Variants in GRK7 observed in about 807,000 individuals in gnomAD.
The protein encoded by GRK7 is G protein-coupled receptor kinase 7.
A neutral mutation model predicts 34.1 loss-of-function variants in GRK7; 24 were observed. The ratio of observed to expected loss-of-function variants is 0.70; its 90% CI spans 0.51 to 0.99. The LOEUF (loss-of-function observed/expected upper bound fraction) is 0.99. Among genes scored for constraint, GRK7 ranks in the 50% least tolerant of loss-of-function variants. GRK7 has a pLI of 0.00. For synonymous variants in GRK7, 256 were observed against 279.4 expected, an observed-to-expected ratio of 0.92 and a Z score of 0.84; for missense variants, 644 against 707.3, an observed-to-expected ratio of 0.91 and a Z score of 1.02.
chr3:141,755,174 T>A, the GRK7 span, among the ~76,000 whole-genome samples: 69 of 152,350 alleles, frequency 4.5e-4, no homozygotes, highest in African/African-American at 1.6e-3. Flanking sequence ...TCTATACTTG[T>A]CCTGACAAAT....
Position 141,817,195 on chromosome 3 carries a change from C to T in GRK7, c.*145C>T, listed in dbSNP as rs775682531. ...ACAATTCAAAAGACAGGCAAGCTCA[C>T]TACTAGAACACATTTTATTTTCTTT... On this transcript the variant is annotated 3_prime_UTR_variant, in exon 6 of 6. Coordinates refer to ENST00000682958, the MANE Select transcript of GRK7 (RefSeq NM_139209.3). The T allele has an allele frequency of 1.1e-5, 6 of 565,574 alleles. No individual in the cohort carries two copies. Among genetic ancestry groups the T allele is most frequent in the Non-Finnish European group, 1.8e-5 (6 of 328,706 alleles). 35.0% of individuals were successfully genotyped at this position (565,574 alleles called of 1,614,324 possible).
chr3:141,774,779 G>GATTATTATT (rs72103272), intron 2 of GRK7, among the ~76,000 whole-genome samples, 99 bp downstream of exon 2: 40 of 147,856 alleles, frequency 2.7e-4, no homozygotes, highest in South Asian at 2.1e-4. Flanking sequence ...TCACCAGTCA[G>GATTATTATT]ATTATTATTA....
chr3:141,807,020 C>T (rs910737757), intron 4 of GRK7, among the ~76,000 whole-genome samples: 1 of 151,704 alleles, frequency 6.6e-6, no homozygotes, highest in Non-Finnish European at 1.5e-5. Context: ...TAGAAGTGTG[C>T]CTATAATACA....
intron 1 of GRK7, among the ~76,000 whole-genome samples, chr3:141,772,753 C>T (rs977765185): frequency 2.6e-5 from 4 of 151,982 alleles, no homozygotes; most frequent in Non-Finnish European, 5.9e-5. Context: ...CAAAATGGGT[C>T]CTAAAAATAC....
intron 4 of GRK7, among the ~76,000 whole-genome samples, chr3:141,787,469 C>CA (rs1318730513): frequency 6.6e-6 from 1 of 151,762 alleles, no homozygotes; most frequent in Non-Finnish European, 1.5e-5. Flanking sequence ...ACTAAAAATA[C>CA]AAAAATTAGC....
intron 4 of GRK7, among the ~76,000 whole-genome samples, chr3:141,798,469 C>A (rs538483937): frequency 1.9e-4 from 29 of 152,112 alleles, no homozygotes; most frequent in African/African-American, 4.6e-4. Flanking sequence ...ACACACACAC[C>A]CACACACCCC....
Position 141,778,891 on chromosome 3 carries a change from G to C in GRK7, c.607G>C (p.Gly203Arg). ...CAGAGTGCTGGGGAAAGGTGGTTTT[G>C]GGGAGGTAAGTGTCTCCCAGTAGCC... ...EFRVLGKGGF[G>R]EVCAVQVKNT... Residue 203 changes from glycine (G) to arginine (R), a missense_variant, in exon 3 of 6, where the codon GGG becomes CGG. Physicochemically the swap from Gly to Arg is moderately radical, Grantham distance 125. Coordinates refer to ENST00000682958, the MANE Select transcript of GRK7 (RefSeq NM_139209.3). The surrounding 1 kb of genome is among the most constrained non-coding windows in gnomAD (Gnocchi z 4.1). The C allele has an allele frequency of 6.2e-7, 1 of 1,607,744 alleles. No homozygotes were observed. Among genetic ancestry groups the C allele is most frequent in the Non-Finnish European group, 8.5e-7 (1 of 1,177,220 alleles).
Position 141,817,995 on chromosome 3 carries a change from C to A in GRK7, c.*945C>A, listed in dbSNP as rs948763086. 2 of 152,208 alleles carry A rather than the reference C, an allele frequency of 1.3e-5. No homozygotes were observed. The highest frequency in any genetic ancestry group is 4.8e-5 in the African/African-American group (2 of 41,456). 9.4% of individuals were successfully genotyped at this position (152,208 alleles called of 1,614,324 possible). ...TATTTTGGTTGCTCAAAACTTCAATCATACATTTTGATGGCAACTTTTCAA... is the reference window on the plus strand; with the variant it reads ...TATTTTGGTTGCTCAAAACTTCAATAATACATTTTGATGGCAACTTTTCAA... On this transcript the variant is annotated 3_prime_UTR_variant, in exon 6 of 6. Coordinates refer to ENST00000682958, the MANE Select transcript of GRK7 (RefSeq NM_139209.3).
intron 5 of GRK7, among the ~76,000 whole-genome samples, chr3:141,813,252 A>T (rs1711112200): frequency 6.6e-6 from 1 of 152,026 alleles, no homozygotes; most frequent in Non-Finnish European, 1.5e-5. Flanking sequence ...CAGCCTCCCA[A>T]GTAACTGGGA....
intron 4 of GRK7, among the ~76,000 whole-genome samples, chr3:141,805,191 C>A (rs547413801): frequency 6.6e-6 from 1 of 152,150 alleles, no homozygotes; most frequent in Admixed American, 6.6e-5. Context: ...ATTGAATCAA[C>A]CTTCTGACCT....
chr3:141,781,752 T>G (rs2681696), intron 4 of GRK7, among the ~76,000 whole-genome samples: 123,277 of 152,048 alleles, frequency 0.81, 50,695 homozygotes, highest in African/African-American at 0.96. Flanking sequence ...TAATCAGTTT[T>G]GTTCAAAGTG....
At position 141,764,801 on chromosome 3, in the gene GRK7, C is replaced by A. The variant is rs2084572400; in HGVS notation, c.-1152C>A. ...ACAGGTACAAGACTGAGCTCTTGAT[C>A]TTCCCCACACCCTGCTCCTCCAGAG... On this transcript the variant is annotated 5_prime_UTR_variant, in exon 1 of 6. Coordinates refer to ENST00000682958, the MANE Select transcript of GRK7 (RefSeq NM_139209.3). Among the ~76,000 whole-genome samples, 1 of 152,178 alleles carries A rather than the reference C, an allele frequency of 6.6e-6. No individual in the cohort carries two copies. Among genetic ancestry groups the A allele is most frequent in the Admixed American group, 6.5e-5 (1 of 15,284 alleles).
chr3:141,801,457 A>G (rs1216726751), intron 4 of GRK7, among the ~76,000 whole-genome samples: 1 of 152,138 alleles, frequency 6.6e-6, no homozygotes, highest in Non-Finnish European at 1.5e-5. Flanking sequence ...GTGGGGAAAA[A>G]AGACAGAGGA....
chr3:141,808,657 G>A (rs2107894420), intron 5 of GRK7, among the ~76,000 whole-genome samples: 1 of 152,196 alleles, frequency 6.6e-6, no homozygotes, highest in African/African-American at 2.4e-5. Context: ...AGGTTGCAGT[G>A]AGCCAAGATC....
chr3:141,796,590 A>C (rs1439490184), intron 4 of GRK7, among the ~76,000 whole-genome samples: 6 of 152,196 alleles, frequency 3.9e-5, no homozygotes, highest in Admixed American at 3.3e-4. Context: ...GCAGTGGGTG[A>C]GCAGCTTGCA....
At chr3:141,790,564 C>CTT (rs10540138) in intron 4 of GRK7, among the ~76,000 whole-genome samples, 6 of 141,258 alleles carry the variant, frequency 4.2e-5, no homozygotes, top group African/African-American at 1.0e-4. Flanking sequence ...TCTACATGCA[C>CTT]TTTTTTTTTT....
chr3:141,771,214 CGTGT>C (rs67606208), intron 1 of GRK7, among the ~76,000 whole-genome samples: 149 of 150,218 alleles, frequency 9.9e-4, no homozygotes, highest in African/African-American at 3.3e-3. Flanking sequence ...TGTGTGTGCA[CGTGT>C]GTGTGTGTGT....
rs190091003 is a variant in GRK7 at position 141,789,809 on chromosome 3, C to A, written c.1050+8998C>A. Among the ~76,000 whole-genome samples the A allele has an allele frequency of 9.2e-5, 14 of 152,198 alleles. No homozygotes were observed. The East Asian group carries it at 2.5e-3, about 27-fold the overall frequency. On this transcript the variant is annotated intron_variant, in intron 4 of 5. Transcript: ENST00000682958. Reference sequence around the variant, plus strand: ...AACTCTTTTCTACATATGAGCTGAGCCTCTTGGGACCCTTTACAAAAAGAT... The same window carrying A: ...AACTCTTTTCTACATATGAGCTGAGACTCTTGGGACCCTTTACAAAAAGAT...
chr3:141,808,570 G>A (rs750570760), intron 5 of GRK7, among the ~76,000 whole-genome samples: 6 of 151,892 alleles, frequency 4.0e-5, no homozygotes, highest in African/African-American at 9.7e-5. Context: ...AAAATTAGCC[G>A]GGGGCGGTGG....
Sources: allele counts gnomAD v4.1 joint callset (sites outside exome capture counted in the v4.1 genomes callset), GRCh38; gene constraint gnomAD v4.1.1; non-coding constraint Gnocchi (gnomAD v3.1); transcripts MANE v1.5; gene names NCBI Gene and HGNC (gene_info 2026-07-23, HGNC 2026-07-21).